ABCB5: variants seen among roughly 807,000 people sequenced by gnomAD.
The protein encoded by ABCB5 is ATP-binding cassette sub-family B member 5.
In ABCB5, 155 loss-of-function variants were observed where a neutral mutation model predicts 144.2. The ratio of observed to expected loss-of-function variants is 1.08; its 90% CI spans 0.94 to 1.23. The LOEUF (loss-of-function observed/expected upper bound fraction) is 1.23, where lower values mean the gene tolerates loss of function less well. Among genes scored for constraint, ABCB5 ranks in the 50% most tolerant of loss-of-function variants. The probability of loss-of-function intolerance (pLI) is 0.00; values close to 1 mark genes in which losing one functional copy is unlikely to be tolerated. For missense variants in ABCB5, 1,830 were observed against 1,520.8 expected (o/e 1.20, Z -3.38); for synonymous variants, 610 against 528.6 (o/e 1.15, Z -2.11).
chr7:20,651,278 T>A lies in ABCB5; in HGVS notation c.1333-142T>A. On this transcript the variant is annotated intron_variant, in intron 12 of 27. Coordinates refer to ENST00000404938, the MANE Select transcript of ABCB5 (RefSeq NM_001163941.2). The stretch of plus-strand genomic sequence containing the variant: ...AAAAGTCTATGGACAATATATATGT[T>A]AGAAATATTTTATCAAAATATAGTC... The A allele has an allele frequency of 5.2e-6, 4 of 770,714 alleles. No homozygotes were observed. In the South Asian group the frequency reaches 5.6e-5, roughly 11 times the overall value. 47.7% of individuals were successfully genotyped at this position (770,714 alleles called of 1,614,324 possible).
At position 20,716,223 on chromosome 7, in the gene ABCB5, T is replaced by C. The variant is rs144317606; in HGVS notation, c.2422-6793T>C. On this transcript the variant is annotated intron_variant, in intron 20 of 27. Coordinates refer to ENST00000404938, the MANE Select transcript of ABCB5 (RefSeq NM_001163941.2). ...AAAGTAAAAATCATTGGCTTCAAAA[T>C]ATTAAAAGAAACTTCCAAGTGGAAA... Among the ~76,000 whole-genome samples, 461 of 152,266 alleles carry C rather than the reference T, an allele frequency of 3.0e-3. 8 individuals carry two copies. In the East Asian group the frequency reaches 0.051, roughly 17 times the overall value.
At chr7:20,692,710 A>G (rs965399164) in intron 16 of ABCB5, among the ~76,000 whole-genome samples, 2 of 152,070 alleles carry the variant, frequency 1.3e-5, no homozygotes, top group African/African-American at 4.8e-5. Context: ...TTTGAAAACA[A>G]TAGCCAAAAC....
intron 16 of ABCB5, among the ~76,000 whole-genome samples, chr7:20,688,506 T>G (rs1414064790): frequency 6.6e-6 from 1 of 152,098 alleles, no homozygotes; most frequent in Non-Finnish European, 1.5e-5. Context: ...TAGGAACACT[T>G]TTACACTGCT....
intron 20 of ABCB5, among the ~76,000 whole-genome samples, chr7:20,705,301 T>A (rs1235628910): frequency 6.6e-6 from 1 of 152,204 alleles, no homozygotes; most frequent in Non-Finnish European, 1.5e-5. Context: ...ACCAGTAATA[T>A]GCATAACCAA....
rs1562549609 is a variant in ABCB5 at position 20,665,768 on chromosome 7, G to GATAGATAGATAGAGATAC, written c.1707+7095_1707+7096insGATAGATAGAGATACATA. On this transcript the variant is annotated intron_variant, in intron 14 of 27. Coordinates refer to ENST00000404938, the MANE Select transcript of ABCB5 (RefSeq NM_001163941.2). ...ATAGATAGATAGATAGATAGATAGA[G>GATAGATAGATAGAGATAC]ATACATACATACATACATACATACA... 2.4e-3 allele frequency among the ~76,000 whole-genome samples: 303 copies of GATAGATAGATAGAGATAC among 125,456 alleles called. 2 individuals carry two copies. The highest frequency in any genetic ancestry group is 0.011 in the South Asian group (39 of 3,530). The allele number at this position is 125,456 out of a possible 152,430, so 82.3% of individuals were successfully genotyped here.
chr7:20,669,118 C>T (rs570914374), intron 14 of ABCB5, among the ~76,000 whole-genome samples: 3 of 151,158 alleles, frequency 2.0e-5, no homozygotes, highest in South Asian at 2.1e-4. Flanking sequence ...GGTCAGCCCC[C>T]CACCCGGCCA....
Position 20,704,076 on chromosome 7 carries a change from T to TTTTTTTTTTTTTC in ABCB5, c.2338-636_2338-635insCTTTTTTTTTTTT, listed in dbSNP as rs1562569950. ...TAAATTGTGTTGTTTATTGCCTTCC[T>TTTTTTTTTTTTTC]TTTTTTTTTTTTTTTGTGAGACAGG... On this transcript the variant is annotated intron_variant, in intron 19 of 27. Transcript: ENST00000404938. 1.1e-4 allele frequency among the ~76,000 whole-genome samples: 5 copies of TTTTTTTTTTTTTC among 43,614 alleles called. 1 individual carries two copies. Among genetic ancestry groups the TTTTTTTTTTTTTC allele is most frequent in the Admixed American group, 3.2e-4 (1 of 3,174 alleles). 28.6% of individuals were successfully genotyped at this position (43,614 alleles called of 152,430 possible).
Position 20,650,111 on chromosome 7 carries a change from G to C in ABCB5, c.1296G>C (p.Gln432His). 1.2e-6 allele frequency: 2 copies of C among 1,613,650 alleles called. No homozygotes were observed. The highest frequency in any genetic ancestry group is 1.7e-6 in the Non-Finnish European group (2 of 1,179,660). Residue 432 changes from glutamine to histidine, a missense_variant, in exon 12 of 28, where the codon CAG becomes CAC. Coordinates refer to ENST00000404938, the MANE Select transcript of ABCB5 (RefSeq NM_001163941.2). The stretch of plus-strand genomic sequence containing the variant: ...GCAGTGGGAAGAGTACGGTAGTCCA[G>C]CTTCTGCAGAGGTTATATGATCCGG... ...LNGSGKSTVV[Q>H]LLQRLYDPDD...
intron 23 of ABCB5, among the ~76,000 whole-genome samples, chr7:20,729,436 T>C (rs1419809322): frequency 6.6e-6 from 1 of 152,186 alleles, no homozygotes. Flanking sequence ...TAAATGAGTG[T>C]TTCCCTTCAA....
chr7:20,685,681 T>C lies in ABCB5; in HGVS notation c.1870-15T>C, dbSNP rs1379310841. Reference sequence around the variant, plus strand: ...GGCATTCTTATAATGATAACCTATATATTCTTCCTGTAAGGATATTAAAAA... The same window carrying C: ...GGCATTCTTATAATGATAACCTATACATTCTTCCTGTAAGGATATTAAAAA... On this transcript the variant is annotated splice_polypyrimidine_tract_variant and intron_variant, in intron 15 of 27. Transcript: ENST00000404938. 2.5e-6 allele frequency: 4 copies of C among 1,588,420 alleles called. No individual in the cohort carries two copies. Among genetic ancestry groups the C allele is most frequent in the Middle Eastern group, 3.4e-4 (2 of 5,970 alleles).
intron 20 of ABCB5, among the ~76,000 whole-genome samples, chr7:20,720,222 C>T (rs1053902711): frequency 1.3e-5 from 2 of 152,180 alleles, no homozygotes; most frequent in Admixed American, 1.3e-4. Context: ...CCACTGGCTA[C>T]ATCTGGGATA....
At chr7:20,725,357 G>A (rs1408356440) in intron 21 of ABCB5, among the ~76,000 whole-genome samples, 2 of 152,222 alleles carry the variant, frequency 1.3e-5, no homozygotes, top group African/African-American at 2.4e-5. Flanking sequence ...GAGGCAGGTG[G>A]ATCACAAGGT....
chr7:20,676,161 TACACATAC>T (rs374932824), intron 14 of ABCB5, among the ~76,000 whole-genome samples: 5,186 of 95,806 alleles, frequency 0.054, 254 homozygotes, highest in African/African-American at 0.16. Flanking sequence ...GCAATTCTAC[TACACATAC>T]ACACACACAC....
intron 26 of ABCB5, among the ~76,000 whole-genome samples, chr7:20,750,310 G>T (rs1056409193): frequency 6.2e-5 from 8 of 129,246 alleles, no homozygotes; most frequent in African/African-American, 2.5e-4. Flanking sequence ...AGTGAGCAAG[G>T]AAATGTACAA....
At chr7:20,643,066 G>C in intron 5 of ABCB5, 118 bp from the exon 6 acceptor site, 1 of 837,920 alleles carries the variant, frequency 1.2e-6, no homozygotes, top group Non-Finnish European at 1.8e-6. Context: ...GTTATTTTTA[G>C]TTCTTTTTCT....
At chr7:20,681,030 CTTTCTCTTTCTTTCTT>C (rs1562558993) in intron 14 of ABCB5, among the ~76,000 whole-genome samples, 9 of 74,504 alleles carry the variant, frequency 1.2e-4, no homozygotes, top group African/African-American at 4.1e-4. Context: ...TTCTTTCTTT[CTTTCTCTTTCTTTCTT>C]TCTCTCTCTC....
At chr7:20,745,687 C>A (rs77641973) in intron 26 of ABCB5, among the ~76,000 whole-genome samples, 9,880 of 152,100 alleles carry the variant, frequency 0.065, 511 homozygotes, top group East Asian at 0.29. Flanking sequence ...TATTTGCCTT[C>A]CATCCATCTA....
At chr7:20,626,471 C>A (rs1783911722) in intron 2 of ABCB5, 86 bp from the exon 3 acceptor site, 1 of 1,177,486 alleles carries the variant, frequency 8.5e-7, no homozygotes, top group Non-Finnish European at 1.2e-6. Flanking sequence ...AAGGTGATAT[C>A]TGACACTTCT....
chr7:20,749,557 T>C (rs1158099577), intron 26 of ABCB5, among the ~76,000 whole-genome samples: 1 of 151,898 alleles, frequency 6.6e-6, no homozygotes, highest in African/African-American at 2.4e-5. Flanking sequence ...ATGCATTTAG[T>C]CACTCAACAC....
Sources: allele counts gnomAD v4.1 joint callset (sites outside exome capture counted in the v4.1 genomes callset), GRCh38; gene constraint gnomAD v4.1.1; transcripts MANE v1.5; gene names NCBI Gene and HGNC (gene_info 2026-07-23, HGNC 2026-07-21).